Variants in ZDHHC2 observed in about 807,000 individuals in gnomAD.
ZDHHC2 encodes palmitoyltransferase ZDHHC2.
ZDHHC2 carries 51 observed loss-of-function variants against 55.6 expected under a neutral mutation model. That is an observed-to-expected ratio of 0.92 (90% CI 0.73 to 1.16). The LOEUF is 1.16. ZDHHC2 is among the 50% of genes most tolerant of loss of function. The pLI is 0.00. For synonymous variants in ZDHHC2, 199 were observed against 152.9 expected, an observed-to-expected ratio of 1.30 and a Z score of -2.22; for missense variants, 491 against 442.4, an observed-to-expected ratio of 1.11 and a Z score of -0.99.
Position 17,220,492 on chromosome 8 carries a change from C to CA in ZDHHC2, c.*277dup, listed in dbSNP as rs1445302407. 1.8e-4 allele frequency: 28 copies of CA among 152,204 alleles called. No homozygotes were observed. Among genetic ancestry groups the CA allele is most frequent in the Admixed American group, 1.8e-3 (27 of 15,284 alleles). 9.4% of individuals were successfully genotyped at this position (152,204 alleles called of 1,614,324 possible). On this transcript the variant is annotated 3_prime_UTR_variant, in exon 13 of 13. Coordinates refer to ENST00000262096, the MANE Select transcript of ZDHHC2 (RefSeq NM_016353.5). ...TAATCAACGGGGAAAACATCTTCTC[C>CA]AAAAAACTTGGAATAAATCCAAGGA...
intron 10 of ZDHHC2, among the ~76,000 whole-genome samples, chr8:17,213,931 G>T (rs73669037): frequency 0.038 from 5,843 of 152,132 alleles, 423 homozygotes; most frequent in East Asian, 0.31. Flanking sequence ...AATTTTAGTA[G>T]GTAGTTGTTA....
chr8:17,207,888 T>C lies in ZDHHC2; in HGVS notation c.598-72T>C, dbSNP rs929797906. On this transcript the variant is annotated intron_variant, in intron 7 of 12. Coordinates refer to ENST00000262096, the MANE Select transcript of ZDHHC2 (RefSeq NM_016353.5). ...TTTTAAGCAAAAAAAAAAATCTTAC[T>C]AATTTACTTATAAAAGTAGGGGAAT... The C allele has an allele frequency of 2.5e-6, 3 of 1,193,316 alleles. No homozygotes were observed. The African/African-American group carries it at 4.8e-5, about 19-fold the overall frequency. The allele number at this position is 1,193,316 out of a possible 1,614,324, so 73.9% of individuals were successfully genotyped here.
At position 17,178,516 on chromosome 8, in the gene ZDHHC2, A is replaced by G. The variant is rs530422505; in HGVS notation, c.131-6273A>G. On this transcript the variant is annotated intron_variant, in intron 1 of 12. Coordinates refer to ENST00000262096, the MANE Select transcript of ZDHHC2 (RefSeq NM_016353.5). ...GTAAATATTTTAGGCTTTGCAGTCC[A>G]TACTTTCCCTGTCTCAGCTACCTAA... Among the ~76,000 whole-genome samples the G allele has an allele frequency of 2.6e-5, 4 of 152,354 alleles. No homozygotes were observed. The South Asian group carries it at 6.2e-4, about 24-fold the overall frequency.
rs1804079333 is a variant in ZDHHC2 at position 17,156,877 on chromosome 8, GC to G, written c.130+29del. On this transcript the variant is annotated intron_variant, in intron 1 of 12. Coordinates refer to ENST00000262096, the MANE Select transcript of ZDHHC2 (RefSeq NM_016353.5). ...AGGTGAGTGCGCCCCCCGCCGCGGC[GC>G]CCCCAGCGCAGCGCAGCCCACCCCG... The G allele has an allele frequency of 7.2e-5, 106 of 1,480,580 alleles. 1 individual carries two copies. The highest frequency in any genetic ancestry group is 9.2e-5 in the Non-Finnish European group (103 of 1,114,844). 91.7% of individuals were successfully genotyped at this position (1,480,580 alleles called of 1,614,324 possible).
intron 3 of ZDHHC2, among the ~76,000 whole-genome samples, chr8:17,189,081 T>C (rs566890843): frequency 6.6e-6 from 1 of 151,060 alleles, no homozygotes; most frequent in South Asian, 2.1e-4. Context: ...AGTAGCCTCT[T>C]AACAGGTTTC....
rs935855746 is a variant in ZDHHC2, at chr8:17,221,222, T to C, written c.*1001T>C. On this transcript the variant is annotated 3_prime_UTR_variant, in exon 13 of 13. Transcript: ENST00000262096. The stretch of plus-strand genomic sequence containing the variant: ...TTAAACACCTATTACAGTTAAATTA[T>C]GCAAATCATTAAATAAAAATCATAC... 6.6e-6 allele frequency: 1 copy of C among 152,538 alleles called. No individual in the cohort carries two copies. The highest frequency in any genetic ancestry group is 2.4e-5 in the African/African-American group (1 of 41,432). 9.4% of individuals were successfully genotyped at this position (152,538 alleles called of 1,614,324 possible).
In ZDHHC2 at chr8:17,199,537, TTCG is replaced by T. The variant is rs1563161249; in HGVS notation, c.476+1127_476+1129del. ...TTCGTCTTCGTCTTCGTCTTCTGTC[TTCG>T]TCTTCTGTCTTCGTCTTCGTCTTCT... On this transcript the variant is annotated intron_variant, in intron 6 of 12. Coordinates refer to ENST00000262096, the MANE Select transcript of ZDHHC2 (RefSeq NM_016353.5). Among the ~76,000 whole-genome samples, 127 of 53,314 alleles carry T rather than the reference TTCG, an allele frequency of 2.4e-3. 2 individuals carry two copies. The highest frequency in any genetic ancestry group is 5.5e-3 in the Non-Finnish European group (98 of 17,802). The allele number at this position is 53,314 out of a possible 152,430, so 35.0% of individuals were successfully genotyped here. A position where few individuals can be genotyped will look rare whatever the true frequency, so the allele number is the denominator to read the frequency against.
intron 3 of ZDHHC2, 50 bp downstream of exon 3, chr8:17,186,475 C>CA: frequency 8.9e-7 from 1 of 1,121,536 alleles, no homozygotes; most frequent in Non-Finnish European, 1.2e-6. Context: ...ATCAATAATA[C>CA]TGATGTATTA....
intron 1 of ZDHHC2, among the ~76,000 whole-genome samples, chr8:17,175,597 A>C (rs968651865): frequency 2.6e-5 from 4 of 152,226 alleles, no homozygotes; most frequent in African/African-American, 9.6e-5. Context: ...ATAATGCGCC[A>C]AATTCTATTC....
intron 6 of ZDHHC2, among the ~76,000 whole-genome samples, chr8:17,200,288 G>A (rs1806685201): frequency 1.3e-5 from 2 of 152,210 alleles, no homozygotes; most frequent in African/African-American, 4.8e-5. Context: ...GTCCAGAAGT[G>A]CCAAGGCATT....
chr8:17,215,877 T>G (rs192022876), intron 11 of ZDHHC2, among the ~76,000 whole-genome samples: 11 of 152,288 alleles, frequency 7.2e-5, no homozygotes, highest in Admixed American at 5.2e-4. Context: ...GTCAGTGTAG[T>G]TTGTTAGCAA....
At chr8:17,202,733 A>ATG (rs769317146) in intron 6 of ZDHHC2, among the ~76,000 whole-genome samples, 1 of 133,304 alleles carries the variant, frequency 7.5e-6, no homozygotes, top group Admixed American at 7.6e-5. Flanking sequence ...ATATATATAT[A>ATG]TACACACACA....
intron 8 of ZDHHC2, among the ~76,000 whole-genome samples, chr8:17,209,506 T>A (rs1807267251): frequency 6.6e-6 from 1 of 152,082 alleles, no homozygotes; most frequent in Non-Finnish European, 1.5e-5. Flanking sequence ...CAAATGGATT[T>A]ACTTAAAAAC....
intron 1 of ZDHHC2, among the ~76,000 whole-genome samples, chr8:17,164,808 T>G (rs1290198120): frequency 6.6e-6 from 1 of 152,224 alleles, no homozygotes; most frequent in Non-Finnish European, 1.5e-5. Flanking sequence ...TATTTTCTTA[T>G]GTACAGATAA....
intron 12 of ZDHHC2, among the ~76,000 whole-genome samples, chr8:17,218,510 TA>T (rs1465824572): frequency 6.6e-6 from 1 of 152,186 alleles, no homozygotes; most frequent in Non-Finnish European, 1.5e-5. Context: ...TAATATTATA[TA>T]AAAGCCATCG....
intron 10 of ZDHHC2, 99 bp from the exon 11 acceptor site, chr8:17,215,138 C>A: frequency 1.0e-6 from 1 of 960,446 alleles, no homozygotes. Context: ...CATCATCTTG[C>A]ATTGCAAGTG....
At chr8:17,183,664 G>T (rs767815729) in intron 1 of ZDHHC2, among the ~76,000 whole-genome samples, 20 of 152,186 alleles carry the variant, frequency 1.3e-4, no homozygotes, top group Non-Finnish European at 2.1e-4. Context: ...CATCAAATAT[G>T]TGAAGATCTG....
At chr8:17,161,133 C>G (rs568380872) in intron 1 of ZDHHC2, among the ~76,000 whole-genome samples, 6 of 152,274 alleles carry the variant, frequency 3.9e-5, no homozygotes, top group Admixed American at 1.3e-4. Flanking sequence ...ACAAAGCCTC[C>G]TACTTGGATT....
At chr8:17,211,860 C>T (rs1807399298) in intron 10 of ZDHHC2, among the ~76,000 whole-genome samples, 1 of 151,996 alleles carries the variant, frequency 6.6e-6, no homozygotes, top group South Asian at 2.1e-4. Context: ...TATGGTTTTT[C>T]ATATACCTCA....
Sources: allele counts gnomAD v4.1 joint callset (sites outside exome capture counted in the v4.1 genomes callset), GRCh38; gene constraint gnomAD v4.1.1; transcripts MANE v1.5; gene names NCBI Gene and HGNC (gene_info 2026-07-23, HGNC 2026-07-21).